Variants in PPOX observed in about 807,000 individuals in gnomAD.
PPOX encodes protoporphyrinogen oxidase.
PPOX carries 23 observed loss-of-function variants against 54.1 expected under a neutral mutation model. The observed-to-expected ratio is 0.43, with a 90% CI of 0.31 to 0.60. The LOEUF is 0.60. Among genes scored for constraint, PPOX ranks in the 20% least tolerant of loss-of-function variants. The pLI, the probability that PPOX is intolerant of heterozygous loss-of-function variation, is 0.13. For missense variants in PPOX, 512 were observed against 601.1 expected (o/e 0.85, Z 1.55); for synonymous variants, 224 against 236.1 (o/e 0.95, Z 0.47).
downstream of PPOX, chr1:161,175,017 A>C (rs749432239): frequency 8.7e-6 from 14 of 1,613,566 alleles, no homozygotes; most frequent in Non-Finnish European, 1.2e-5. Context: ...AGATGCCATA[A>C]GCAAGCTGCT....
Position 161,167,105 on chromosome 1 carries a change from C to G in PPOX, c.93C>G (p.Val31=). The stretch of plus-strand genomic sequence containing the variant: ...TCTCTCCCTCTTGTCGCCAGGTGGT[C>G]CTAGTGGAGAGCAGTGAGCGTCTGG... ...LSRAPCPPKV[V]LVESSERLGG... The change falls in exon 3 of 13, where the codon GTC becomes GTG. Residue 31 remains valine, a synonymous_variant. Transcript: ENST00000367999. The G allele has an allele frequency of 6.2e-7, 1 of 1,614,198 alleles. No individual in the cohort carries two copies. Among genetic ancestry groups the G allele is most frequent in the Non-Finnish European group, 8.5e-7 (1 of 1,180,040 alleles).
At chr1:161,171,896 CTT>C, downstream of PPOX, 1 of 1,614,200 alleles carries the variant, frequency 6.2e-7, no homozygotes. Context: ...TGCAGCATCT[CTT>C]GACGGAAGGC....
At chr1:161,167,527 C>T (rs1659432042) in intron 4 of PPOX, 41 bp downstream of exon 4, 1 of 1,566,270 alleles carries the variant, frequency 6.4e-7, no homozygotes, top group Non-Finnish European at 8.7e-7. Context: ...TGCCCTCATC[C>T]TCATATGCCT....
Position 161,166,845 on chromosome 1 carries a change from C to T in PPOX, c.-3C>T, listed in dbSNP as rs555068493. On this transcript the variant is annotated 5_prime_UTR_variant, in exon 2 of 13. Coordinates refer to ENST00000367999, the MANE Select transcript of PPOX (RefSeq NM_001122764.3). ...TATCGCCCCCTTTCCCCCAGGTTTC[C>T]GCATGGGCCGGACCGTGGTCGTGCT... 1 of 1,613,310 alleles carries T rather than the reference C, an allele frequency of 6.2e-7. No individual in the cohort carries two copies. Among genetic ancestry groups the T allele is most frequent in the African/African-American group, 1.3e-5 (1 of 75,064 alleles).
chr1:161,171,680 G>T, downstream of PPOX: 2 of 1,270,924 alleles, frequency 1.6e-6, no homozygotes, highest in Non-Finnish European at 2.2e-6. Flanking sequence ...AGCAGTGAGG[G>T]AGAGGCCCCT....
intron 4 of PPOX, chr1:161,176,359 C>T: frequency 2.0e-6 from 1 of 509,248 alleles, no homozygotes; most frequent in Non-Finnish European, 3.5e-6. Context: ...TTACATCATT[C>T]AAATCTCATG....
At chr1:161,176,891 G>C in exon 5 of PPOX, 1 of 1,536,284 alleles carries the variant, frequency 6.5e-7, no homozygotes, top group Non-Finnish European at 8.7e-7. Flanking sequence ...TGACAGGACC[G>C]TGGAGTGGCC....
At chr1:161,171,993 A>G, downstream of PPOX, 1 of 1,614,136 alleles carries the variant, frequency 6.2e-7, no homozygotes, top group Non-Finnish European at 8.5e-7. Flanking sequence ...TGATGTTGGT[A>G]TAAAGAGGCC....
downstream of PPOX, chr1:161,175,661 T>G: frequency 3.2e-6 from 4 of 1,236,344 alleles, no homozygotes; most frequent in Non-Finnish European, 4.5e-6. Flanking sequence ...ACCTCAGCCC[T>G]CTATCTCAAC....
At chr1:161,168,643 G>A in intron 6 of PPOX, 67 bp downstream of exon 6, 2 of 1,575,222 alleles carry the variant, frequency 1.3e-6, no homozygotes, top group South Asian at 1.1e-5. Context: ...TGGGGACAAG[G>A]GGTGCTATTC....
At chr1:161,174,847 G>A, downstream of PPOX, 1 of 781,836 alleles carries the variant, frequency 1.3e-6, no homozygotes, top group Admixed American at 2.8e-5. Context: ...AAAGTTGGAA[G>A]AGCAGTGCCG....
chr1:161,169,810 C>T (rs993361343), intron 8 of PPOX, 90 bp downstream of exon 8: 2 of 1,612,872 alleles, frequency 1.2e-6, no homozygotes, highest in Admixed American at 3.3e-5. Flanking sequence ...CACACCATGC[C>T]CCTGAACTGG....
chr1:161,174,135 C>T (rs188898170), downstream of PPOX: 144 of 1,417,528 alleles, frequency 1.0e-4, 1 homozygote, highest in East Asian at 1.9e-3. Flanking sequence ...AGGCCGGGCG[C>T]GGTGGCTTAC....
downstream of PPOX, chr1:161,173,878 T>C (rs1388271321): frequency 3.1e-6 from 5 of 1,614,082 alleles, no homozygotes; most frequent in East Asian, 2.2e-5. Flanking sequence ...AACTTGTTCA[T>C]AGCAACGGCA....
exon 5 of PPOX, chr1:161,176,950 T>C (rs1305423220): frequency 7.8e-6 from 12 of 1,536,026 alleles, no homozygotes; most frequent in African/African-American, 2.7e-5. Flanking sequence ...CTATTCTTCA[T>C]GTGCCTGGGT....
chr1:161,171,681 A>G (rs1661482630), downstream of PPOX: 3 of 1,273,562 alleles, frequency 2.4e-6, no homozygotes, highest in Non-Finnish European at 2.2e-6. Flanking sequence ...GCAGTGAGGG[A>G]GAGGCCCCTA....
downstream of PPOX, chr1:161,175,926 TGTC>T (rs767643607): frequency 6.2e-7 from 1 of 1,614,062 alleles, no homozygotes; most frequent in Non-Finnish European, 8.5e-7. Flanking sequence ...AATAGTCAAA[TGTC>T]GGTCCCTGAT....
Position 161,167,153 on chromosome 1 carries a change from A to T in PPOX, c.141A>T (p.Arg47=), listed in dbSNP as rs1228857582. 2 of 1,614,100 alleles carry T rather than the reference A, an allele frequency of 1.2e-6. No homozygotes were observed. The highest frequency in any genetic ancestry group is 1.7e-6 in the Non-Finnish European group (2 of 1,180,036). Residue 47 remains arginine (R), a synonymous_variant, in exon 3 of 13, where the codon CGA becomes CGT. Transcript: ENST00000367999. ...ERLGGWIRSV[R]GPNGAIFELG... is the part of the protein sequence containing the mutation. Reference sequence around the variant, plus strand: ...TGGGAGGCTGGATTCGCTCCGTTCGAGGCCCTAATGGTGCTATCTTTGAGC... The same window carrying T: ...TGGGAGGCTGGATTCGCTCCGTTCGTGGCCCTAATGGTGCTATCTTTGAGC...
At chr1:161,174,988 G>A (rs1219827509), downstream of PPOX, 4 of 1,612,542 alleles carry the variant, frequency 2.5e-6, no homozygotes, top group Non-Finnish European at 3.4e-6. Context: ...GGAGATTGGG[G>A]GTACCTGGTG....
Sources: gnomAD v4.1 joint callset for allele counts on GRCh38, gnomAD v4.1.1 for gene constraint, MANE v1.5 for transcripts, NCBI Gene and HGNC (gene_info 2026-07-23, HGNC 2026-07-21) for gene names.